EPHA3: variants seen among roughly 807,000 people sequenced by gnomAD.
EPHA3 encodes EPH receptor A3, also known as ephrin type-A receptor 3.
Under a neutral mutation model 107.1 loss-of-function variants are expected in EPHA3, and 42 were observed. That is an observed-to-expected ratio of 0.39 (90% CI 0.31 to 0.51). The LOEUF (loss-of-function observed/expected upper bound fraction) is 0.51, where lower values mean the gene tolerates loss of function less well. Ranked by LOEUF, EPHA3 falls within the 20% of genes least tolerant of loss-of-function variation. The pLI is 0.78. For synonymous variants in EPHA3, 461 were observed against 424.8 expected, an observed-to-expected ratio of 1.09 and a Z score of -1.05; for missense variants, 1,183 against 1,211.2, an observed-to-expected ratio of 0.98 and a Z score of 0.35.
intron 16 of EPHA3, among the ~76,000 whole-genome samples, chr3:89,477,425 G>C (rs1313541996): frequency 6.6e-6 from 1 of 152,060 alleles, no homozygotes; most frequent in Non-Finnish European, 1.5e-5. Context: ...GTAGAGTCTC[G>C]GTTAATTTAA....
chr3:89,316,947 C>T (rs1706923077), intron 3 of EPHA3, among the ~76,000 whole-genome samples: 1 of 151,544 alleles, frequency 6.6e-6, no homozygotes, highest in South Asian at 2.1e-4. Context: ...AAAATAAGTT[C>T]AGAGAGGCTG....
intron 1 of EPHA3, among the ~76,000 whole-genome samples, chr3:89,124,058 T>A (rs1704032425): frequency 6.6e-6 from 1 of 152,150 alleles, no homozygotes; most frequent in Admixed American, 6.5e-5. Context: ...ACTCGTATTG[T>A]CCAGCAATTG....
rs374742013 is a variant in EPHA3 at position 89,210,405 on chromosome 3, T to C, written c.699T>C (p.Asn233=). 1.2e-5 allele frequency: 20 copies of C among 1,613,764 alleles called. No homozygotes were observed. Among genetic ancestry groups the C allele is most frequent in the East Asian group, 2.2e-5 (1 of 44,866 alleles). The change falls in exon 3 of 17, where the codon AAT becomes AAC. Residue 233 remains asparagine, a synonymous_variant. Transcript: ENST00000336596. ...AGGTTAGAGGGTCTTGTGTCAACAA[T>C]TCTAAGGAGGAAGATCCTCCAAGGA... is the stretch of plus-strand genomic sequence containing the variant. ...LVEVRGSCVN[N]SKEEDPPRMY... is the part of the protein sequence containing the mutation.
Position 89,480,202 on chromosome 3 carries a change from G to A in EPHA3, c.*700G>A, listed in dbSNP as rs1252605571. The A allele has an allele frequency of 4.3e-6, 1 of 232,902 alleles. No individual in the cohort carries two copies. Among genetic ancestry groups the A allele is most frequent in the African/African-American group, 2.2e-5 (1 of 45,372 alleles). 14.4% of individuals were successfully genotyped at this position (232,902 alleles called of 1,614,324 possible). A position where few individuals can be genotyped will look rare whatever the true frequency, so the allele number is the denominator to read the frequency against. On this transcript the variant is annotated 3_prime_UTR_variant, in exon 17 of 17. Coordinates refer to ENST00000336596, the MANE Select transcript of EPHA3 (RefSeq NM_005233.6). Reference sequence around the variant, plus strand: ...TGCCTTGATGATTTAATATGGATTTGTTACAGCCAAGTGCCAAATGCTCTC... The same window carrying A: ...TGCCTTGATGATTTAATATGGATTTATTACAGCCAAGTGCCAAATGCTCTC...
At chr3:89,355,990 C>G (rs188578552) in intron 5 of EPHA3, among the ~76,000 whole-genome samples, 1 of 113,308 alleles carries the variant, frequency 8.8e-6, no homozygotes, top group Non-Finnish European at 1.8e-5. Flanking sequence ...CCCCTCCCCC[C>G]ACCCCACAAC....
chr3:89,333,780 G>C (rs550121802), intron 3 of EPHA3, among the ~76,000 whole-genome samples: 16 of 152,104 alleles, frequency 1.1e-4, no homozygotes, highest in Admixed American at 3.3e-4. Flanking sequence ...GCTGAGATAG[G>C]AGAACTGCTT....
At chr3:89,428,642 C>T (rs1223314505) in intron 11 of EPHA3, among the ~76,000 whole-genome samples, 3 of 151,984 alleles carry the variant, frequency 2.0e-5, no homozygotes, top group Admixed American at 1.3e-4. Flanking sequence ...TTGCTCCCCA[C>T]TAAGCGGCAC....
At chr3:89,114,632 G>T (rs533710778) in intron 1 of EPHA3, among the ~76,000 whole-genome samples, 3 of 152,324 alleles carry the variant, frequency 2.0e-5, no homozygotes, top group Non-Finnish European at 2.9e-5. Context: ...GTGGGCGAGC[G>T]CAGCCTGATG....
At chr3:89,265,286 A>G (rs1227835390) in intron 3 of EPHA3, among the ~76,000 whole-genome samples, 2 of 152,184 alleles carry the variant, frequency 1.3e-5, no homozygotes, top group East Asian at 3.9e-4. Context: ...AGATGCATCA[A>G]GAAAAATGGG....
chr3:89,115,970 C>T (rs1485213228), intron 1 of EPHA3, among the ~76,000 whole-genome samples: 1 of 152,078 alleles, frequency 6.6e-6, no homozygotes, highest in African/African-American at 2.4e-5. Flanking sequence ...TAGAAACATT[C>T]AGAAATTTGT....
intron 8 of EPHA3, 39 bp from the exon 9 acceptor site, chr3:89,408,028 A>G: frequency 3.2e-6 from 5 of 1,578,666 alleles, no homozygotes; most frequent in Non-Finnish European, 3.5e-6. Flanking sequence ...TTTTAAATAT[A>G]TTCCTCTTAT....
intron 1 of EPHA3, among the ~76,000 whole-genome samples, chr3:89,117,547 C>T (rs760846667): frequency 2.6e-5 from 4 of 152,024 alleles, no homozygotes; most frequent in Non-Finnish European, 4.4e-5. Flanking sequence ...TCTAACTAAT[C>T]CTCTGGGTAA....
chr3:89,219,700 T>G (rs201220354), intron 3 of EPHA3, among the ~76,000 whole-genome samples: 1,125 of 7,488 alleles, frequency 0.15, 189 homozygotes, highest in African/African-American at 0.23. Context: ...TTTTTTTTTT[T>G]TTGTTTTTTG....
chr3:89,201,435 G>A (rs1423544150), intron 2 of EPHA3, among the ~76,000 whole-genome samples: 2 of 152,168 alleles, frequency 1.3e-5, no homozygotes, highest in Non-Finnish European at 2.9e-5. Flanking sequence ...AATCTGTCAT[G>A]TGTACAATAA....
intron 11 of EPHA3, among the ~76,000 whole-genome samples, chr3:89,428,733 A>T (rs1205331657): frequency 6.6e-6 from 1 of 152,130 alleles, no homozygotes; most frequent in Non-Finnish European, 1.5e-5. Flanking sequence ...CCATAGAAAG[A>T]ATAAATAAAT....
intron 3 of EPHA3, among the ~76,000 whole-genome samples, chr3:89,240,828 G>A (rs1167931898): frequency 6.6e-6 from 1 of 151,986 alleles, no homozygotes; most frequent in African/African-American, 2.4e-5. Flanking sequence ...AGATGGATAA[G>A]CTGATTTGAG....
chr3:89,416,669 G>A (rs191195630), intron 10 of EPHA3, among the ~76,000 whole-genome samples: 43 of 151,102 alleles, frequency 2.8e-4, no homozygotes, highest in African/African-American at 8.7e-4. Flanking sequence ...ATATATTGGC[G>A]GCTATTTCTA....
At chr3:89,403,420 A>G (rs1240461828) in intron 7 of EPHA3, among the ~76,000 whole-genome samples, 1 of 152,138 alleles carries the variant, frequency 6.6e-6, no homozygotes, top group East Asian at 1.9e-4. Context: ...CTGAGTTTAC[A>G]TATGTAGTCA....
intron 3 of EPHA3, among the ~76,000 whole-genome samples, chr3:89,267,387 C>T (rs1705562079): frequency 6.6e-6 from 1 of 152,116 alleles, no homozygotes; most frequent in Non-Finnish European, 1.5e-5. Flanking sequence ...CTATTTTACA[C>T]TGTGGCTAAT....
Sources: allele counts gnomAD v4.1 joint callset (sites outside exome capture counted in the v4.1 genomes callset), GRCh38; gene constraint gnomAD v4.1.1; transcripts MANE v1.5; gene names NCBI Gene and HGNC (gene_info 2026-07-23, HGNC 2026-07-21).